Variants in YIPF6 observed in about 807,000 individuals in gnomAD.
YIPF6 encodes the protein Yip1 domain family member 6, also known as protein YIPF6.
In YIPF6, 3 loss-of-function variants were observed where a neutral mutation model predicts 16.8. That is an observed-to-expected ratio of 0.18 (90% confidence interval 0.08 to 0.46). The LOEUF (loss-of-function observed/expected upper bound fraction) is 0.46, where lower values mean the gene tolerates loss of function less well. Ranked by LOEUF, YIPF6 falls within the 20% of genes least tolerant of loss-of-function variation. The pLI is 0.98. For synonymous variants in YIPF6, 67 were observed against 61.9 expected (o/e 1.08, Z -0.38); for missense variants, 145 against 184.9 (o/e 0.78, Z 1.25).
intron 1 of YIPF6, among the ~76,000 whole-genome samples, chrX:68,507,485 T>A: frequency 8.9e-6 from 1 of 112,091 alleles, no homozygotes; most frequent in East Asian, 2.8e-4. Flanking sequence ...GTGTTGATAG[T>A]TTTATTCTTT....
intron 1 of YIPF6, 106 bp downstream of exon 1, chrX:68,499,229 G>C (rs1359468565): frequency 7.9e-6 from 8 of 1,016,344 alleles, no homozygotes; most frequent in Non-Finnish European, 1.0e-5. Flanking sequence ...CCTTCCGCCC[G>C]GCAGGCCCTT....
intron 5 of YIPF6, 147 bp downstream of exon 5, chrX:68,521,644 G>T: frequency 1.8e-6 from 1 of 556,899 alleles, no homozygotes; most frequent in Non-Finnish European, 2.7e-6. Context: ...TGTGATCATG[G>T]CTTACTGCAG....
chrX:68,504,988 CTG>C (rs1464440053), intron 1 of YIPF6, among the ~76,000 whole-genome samples: 3 of 112,043 alleles, frequency 2.7e-5, no homozygotes, highest in African/African-American at 9.7e-5. Flanking sequence ...ACTTTAAAGC[CTG>C]TTTTTTTCCT....
At position 68,533,173 on chromosome X, in the gene YIPF6, G is replaced by T. The variant is rs1245844382; in HGVS notation, c.*1174G>T. On this transcript the variant is annotated 3_prime_UTR_variant, in exon 7 of 7. Transcript: ENST00000462683. ...ATAGCAATTTATTTTATTGATTTTA[G>T]ACTTTATCAAGCTAATTAGCTCCCC... 2 of 111,713 alleles carry T rather than the reference G, an allele frequency of 1.8e-5. No homozygotes were observed. Among genetic ancestry groups the T allele is most frequent in the East Asian group, 5.6e-4 (2 of 3,552 alleles). The allele number at this position is 111,713 out of a possible 1,213,427, so 9.2% of individuals were successfully genotyped here.
intron 1 of YIPF6, among the ~76,000 whole-genome samples, chrX:68,509,871 G>A (rs2079073618): frequency 9.0e-6 from 1 of 111,580 alleles, no homozygotes; most frequent in Non-Finnish European, 1.9e-5. Flanking sequence ...CCTGTAAGTG[G>A]GTGTGAACTC....
intron 1 of YIPF6, among the ~76,000 whole-genome samples, chrX:68,511,172 T>C (rs2079079544): frequency 8.9e-6 from 1 of 111,850 alleles, no homozygotes; most frequent in Non-Finnish European, 1.9e-5. Flanking sequence ...TGTGTTTCCT[T>C]TATCTGCAAC....
chrX:68,509,884 C>T lies in YIPF6; in HGVS notation c.58-1965C>T, dbSNP rs148728105. Reference sequence around the variant, plus strand: ...AGCCTGTAAGTGGGTGTGAACTCCCCTTGCGTCTATTGCTTCCAGGGATTC... The same window carrying T: ...AGCCTGTAAGTGGGTGTGAACTCCCTTTGCGTCTATTGCTTCCAGGGATTC... On this transcript the variant is annotated intron_variant, in intron 1 of 6. Coordinates refer to ENST00000462683, the MANE Select transcript of YIPF6 (RefSeq NM_173834.4). 2.6e-3 allele frequency among the ~76,000 whole-genome samples: 290 copies of T among 111,715 alleles called. 10 individuals carry two copies. The East Asian group carries it at 0.069, about 27-fold the overall frequency.
chrX:68,512,043 G>T, intron 2 of YIPF6, 66 bp downstream of exon 2: 1 of 1,031,591 alleles, frequency 9.7e-7, no homozygotes, highest in South Asian at 2.6e-5. Flanking sequence ...ATAGTACTTT[G>T]CAATATTTTC....
In YIPF6 at chrX:68,535,187, T is replaced by G. The variant is rs1372779007; in HGVS notation, c.*3188T>G. The G allele has an allele frequency of 8.9e-6, 1 of 112,433 alleles. No homozygotes were observed. The highest frequency in any genetic ancestry group is 1.9e-5 in the Non-Finnish European group (1 of 53,342). The allele number at this position is 112,433 out of a possible 1,213,427, so 9.3% of individuals were successfully genotyped here. On this transcript the variant is annotated 3_prime_UTR_variant, in exon 7 of 7. Coordinates refer to ENST00000462683, the MANE Select transcript of YIPF6 (RefSeq NM_173834.4). ...GGGGTTTTCCTGTTGTTGGGCAAGG[T>G]GGGGTCACAGGACATGGGACTAGTA... is the stretch of plus-strand genomic sequence containing the variant.
chrX:68,504,213 C>A (rs1053803999), intron 1 of YIPF6, among the ~76,000 whole-genome samples: 1 of 112,056 alleles, frequency 8.9e-6, no homozygotes, highest in African/African-American at 3.2e-5. Context: ...AGACATGTTA[C>A]CCTCCTGGTT....
chrX:68,530,322 A>G (rs986692669), intron 6 of YIPF6, among the ~76,000 whole-genome samples: 1 of 110,960 alleles, frequency 9.0e-6, no homozygotes, highest in Non-Finnish European at 1.9e-5. Context: ...CCCTCCACCA[A>G]GCTCAAGCAT....
At chrX:68,505,344 A>T (rs1320898349) in intron 1 of YIPF6, among the ~76,000 whole-genome samples, 2 of 111,132 alleles carry the variant, frequency 1.8e-5, no homozygotes, top group African/African-American at 6.6e-5. Flanking sequence ...CAGGAAACAG[A>T]GGTTGCAGTG....
chrX:68,505,434 G>A (rs1431578293), intron 1 of YIPF6, among the ~76,000 whole-genome samples: 7 of 111,687 alleles, frequency 6.3e-5, no homozygotes, highest in East Asian at 2.8e-4. Context: ...GTTGGTTTAC[G>A]CATTACATGC....
intron 5 of YIPF6, 44 bp from the exon 6 acceptor site, chrX:68,522,716 A>G: frequency 8.8e-7 from 1 of 1,135,579 alleles, no homozygotes; most frequent in Non-Finnish European, 1.2e-6. Context: ...CATAACACCC[A>G]TCAGTTGTAT....
intron 2 of YIPF6, 66 bp from the exon 3 acceptor site, chrX:68,513,261 G>A (rs2079088185): frequency 1.1e-6 from 1 of 914,289 alleles, no homozygotes; most frequent in Non-Finnish European, 1.5e-6. Context: ...AGAAATTTTA[G>A]CAAATTAAGT....
chrX:68,534,927 TTGC>T lies in YIPF6; in HGVS notation c.*2933_*2935del, dbSNP rs1472671653. 4.5e-5 allele frequency: 5 copies of T among 112,306 alleles called. No individual in the cohort carries two copies. Among genetic ancestry groups the T allele is most frequent in the African/African-American group, 1.3e-4 (4 of 30,899 alleles). The allele number at this position is 112,306 out of a possible 1,213,427, so 9.3% of individuals were successfully genotyped here. A position where few individuals can be genotyped will look rare whatever the true frequency, so the allele number is the denominator to read the frequency against. On this transcript the variant is annotated 3_prime_UTR_variant, in exon 7 of 7. Transcript: ENST00000462683. ...CATCATTGCCATCATGAGTAATCAC[TTGC>T]TGCTCCTACTTCTGAGACCAAGACT...
intron 3 of YIPF6, among the ~76,000 whole-genome samples, chrX:68,517,748 G>T (rs1183084179): frequency 9.3e-6 from 1 of 106,974 alleles, no homozygotes; most frequent in Non-Finnish European, 1.9e-5. Flanking sequence ...CAGGTGGATC[G>T]CTTGAGGCCA....
chrX:68,531,572 T>C (rs2079171572), intron 6 of YIPF6, among the ~76,000 whole-genome samples: 1 of 112,279 alleles, frequency 8.9e-6, no homozygotes, highest in Non-Finnish European at 1.9e-5. Context: ...TAGGAACAAA[T>C]AACCTTACAC....
At chrX:68,507,476 T>C in intron 1 of YIPF6, among the ~76,000 whole-genome samples, 1 of 111,967 alleles carries the variant, frequency 8.9e-6, no homozygotes, top group Middle Eastern at 4.6e-3. Context: ...TAGAATTCAG[T>C]GTTGATAGTT....
Sources: allele counts gnomAD v4.1 joint callset (sites outside exome capture counted in the v4.1 genomes callset), GRCh38; gene constraint gnomAD v4.1.1; transcripts MANE v1.5; gene names NCBI Gene and HGNC (gene_info 2026-07-23, HGNC 2026-07-21).